SH3KBP1: variants seen among roughly 807,000 people sequenced by gnomAD.
SH3KBP1 encodes the protein SH3 domain containing kinase binding protein 1, also known as SH3 domain-containing kinase-binding protein 1.
SH3KBP1 carries 8 observed loss-of-function variants against 50.1 expected under a neutral mutation model. The observed-to-expected ratio is 0.16, with a 90% confidence interval of 0.09 to 0.29. The LOEUF (loss-of-function observed/expected upper bound fraction) is 0.29. Among genes scored for constraint, SH3KBP1 ranks in the 10% least tolerant of loss-of-function variants. The pLI is 1.00. For synonymous variants in SH3KBP1, 227 were observed against 218.6 expected (o/e 1.04, Z -0.34); for missense variants, 377 against 535.2 (o/e 0.70, Z 2.92).
At chrX:19,883,432 G>A (rs1005062495) in intron 1 of SH3KBP1, among the ~76,000 whole-genome samples, 1 of 112,250 alleles carries the variant, frequency 8.9e-6, no homozygotes, top group South Asian at 3.7e-4. Context: ...GATGTCCATC[G>A]TGCTTAGCAT....
At chrX:19,797,059 T>C (rs1030452968) in intron 2 of SH3KBP1, among the ~76,000 whole-genome samples, 1 of 112,682 alleles carries the variant, frequency 8.9e-6, no homozygotes, top group African/African-American at 3.2e-5. Flanking sequence ...GAGCTGGGGA[T>C]ATGGTAGGGA....
At chrX:19,588,600 T>C (rs1371669133) in intron 12 of SH3KBP1, 43 bp downstream of exon 12, 4 of 1,207,855 alleles carry the variant, frequency 3.3e-6, no homozygotes, top group Non-Finnish European at 2.2e-6. Flanking sequence ...GTTCCTTCCA[T>C]AGCCACCCCA....
At chrX:19,693,152 A>C (rs2063339021) in intron 5 of SH3KBP1, among the ~76,000 whole-genome samples, 1 of 111,894 alleles carries the variant, frequency 8.9e-6, no homozygotes, top group African/African-American at 3.3e-5. Context: ...TCAGATGCTT[A>C]CTTTGCAGAG....
chrX:19,654,510 C>A (rs760278073), intron 6 of SH3KBP1, among the ~76,000 whole-genome samples: 1 of 111,529 alleles, frequency 9.0e-6, no homozygotes, highest in South Asian at 3.8e-4. Context: ...CCACTGTTCC[C>A]GAGAGAGGAG....
At chrX:19,826,965 A>G (rs951868740) in intron 2 of SH3KBP1, among the ~76,000 whole-genome samples, 1 of 112,230 alleles carries the variant, frequency 8.9e-6, no homozygotes, top group Admixed American at 9.5e-5. Context: ...TGATCCCTTC[A>G]TAAATCAAGA....
At chrX:19,570,050 C>T (rs928409640) in intron 12 of SH3KBP1, among the ~76,000 whole-genome samples, 12 of 112,067 alleles carry the variant, frequency 1.1e-4, no homozygotes, top group African/African-American at 2.6e-4. Flanking sequence ...CTCACCGCCC[C>T]GAAGGCCACC....
chrX:19,626,070 G>A (rs555198216), intron 8 of SH3KBP1, among the ~76,000 whole-genome samples: 4 of 111,854 alleles, frequency 3.6e-5, no homozygotes, highest in Non-Finnish European at 7.5e-5. Flanking sequence ...TGAGGAAAGG[G>A]GAATGGTGAT....
chrX:19,542,661 C>T (rs890948244), intron 15 of SH3KBP1, among the ~76,000 whole-genome samples: 7 of 111,634 alleles, frequency 6.3e-5, no homozygotes, highest in African/African-American at 9.8e-5. Flanking sequence ...GCCATCCAGA[C>T]GGGCAGGCAT....
intron 12 of SH3KBP1, among the ~76,000 whole-genome samples, chrX:19,581,914 C>A (rs2066387104): frequency 9.2e-6 from 1 of 108,729 alleles, no homozygotes; most frequent in South Asian, 4.1e-4. Context: ...ATCCTATGCT[C>A]CAATTCTCTC....
chrX:19,621,209 G>A (rs1224841128), intron 8 of SH3KBP1, among the ~76,000 whole-genome samples: 2 of 103,426 alleles, frequency 1.9e-5, no homozygotes, highest in African/African-American at 3.5e-5. Context: ...CTAGTAGCTG[G>A]GACTACAGGT....
intron 2 of SH3KBP1, among the ~76,000 whole-genome samples, chrX:19,769,277 T>C (rs979226636): frequency 1.9e-5 from 2 of 107,692 alleles, no homozygotes; most frequent in African/African-American, 6.8e-5. Context: ...TCTTTTTCTT[T>C]TTTTTTCGTA....
chrX:19,584,154 A>AATATATTTAT (rs1321739256), intron 12 of SH3KBP1, among the ~76,000 whole-genome samples: 1 of 94,097 alleles, frequency 1.1e-5, no homozygotes, highest in Non-Finnish European at 2.0e-5. Flanking sequence ...ATTTATATAT[A>AATATATTTAT]ATATATTTAT....
chrX:19,741,786 T>C (rs2064777119), intron 3 of SH3KBP1, among the ~76,000 whole-genome samples: 1 of 112,126 alleles, frequency 8.9e-6, no homozygotes, highest in Non-Finnish European at 1.9e-5. Context: ...TTCCAGTCTT[T>C]ATCTGCCCCA....
In SH3KBP1 at chrX:19,634,031, G is replaced by GGTGTGTGTGT. The variant is rs60109180; in HGVS notation, c.803-2083_803-2074dup. Among the ~76,000 whole-genome samples, 99 of 32,158 alleles carry GGTGTGTGTGT rather than the reference G, an allele frequency of 3.1e-3. 1 individual carries two copies. The highest frequency in any genetic ancestry group is 5.1e-3 in the African/African-American group (44 of 8,658). 27.9% of individuals were successfully genotyped at this position (32,158 alleles called of 115,157 possible). A position where few individuals can be genotyped will look rare whatever the true frequency, so the allele number is the denominator to read the frequency against. On this transcript the variant is annotated intron_variant, in intron 7 of 17. Coordinates refer to ENST00000397821, the MANE Select transcript of SH3KBP1 (RefSeq NM_031892.3). ...GAGAGGCTGTTAGATTTTGTTCCCT[G>GGTGTGTGTGT]GTGTGTGTGTGTGTGTGTGTGTGTG...
intron 10 of SH3KBP1, among the ~76,000 whole-genome samples, chrX:19,594,695 A>C (rs1212783853): frequency 9.0e-6 from 1 of 111,444 alleles, no homozygotes. Context: ...TGTTTGTTTT[A>C]ATTCTTTCTG....
intron 2 of SH3KBP1, among the ~76,000 whole-genome samples, chrX:19,778,161 G>A (rs1603233956): frequency 2.7e-5 from 3 of 111,347 alleles, no homozygotes. Context: ...GGCCGGGTGC[G>A]GTGGCTCACA....
At chrX:19,576,108 C>T (rs1322053793) in intron 12 of SH3KBP1, among the ~76,000 whole-genome samples, 2 of 111,901 alleles carry the variant, frequency 1.8e-5, no homozygotes, top group East Asian at 5.6e-4. Context: ...AGAAAGTTGC[C>T]CTTACTTGTT....
intron 12 of SH3KBP1, among the ~76,000 whole-genome samples, chrX:19,584,603 G>A (rs1169370639): frequency 9.0e-6 from 1 of 110,558 alleles, no homozygotes; most frequent in African/African-American, 3.3e-5. Flanking sequence ...AAAGTGCTGG[G>A]ATTACAGACA....
At chrX:19,684,666 T>C (rs1231624232) in intron 5 of SH3KBP1, among the ~76,000 whole-genome samples, 1 of 112,248 alleles carries the variant, frequency 8.9e-6, no homozygotes, top group African/African-American at 3.2e-5. Flanking sequence ...AAGACGATCA[T>C]GTTTGTTAAA....
Sources: gnomAD v4.1 joint callset for allele counts (sites outside exome capture counted in the v4.1 genomes callset) on GRCh38, gnomAD v4.1.1 for gene constraint, MANE v1.5 for transcripts, NCBI Gene and HGNC (gene_info 2026-07-23, HGNC 2026-07-21) for gene names.